The following RAP1GAP2 variants were observed in gnomAD, a reference collection of about 807,000 sequenced individuals.
RAP1GAP2 encodes the protein rap1 GTPase-activating protein 2.
A neutral mutation model predicts 95.0 loss-of-function variants in RAP1GAP2; 27 were observed. The observed-to-expected ratio is 0.28, with a 90% CI of 0.21 to 0.39. The LOEUF is 0.39. Among genes scored for constraint, RAP1GAP2 ranks in the 10% least tolerant of loss-of-function variants. RAP1GAP2 has a pLI of 1.00. For synonymous variants in RAP1GAP2, 373 were observed against 380.9 expected (o/e 0.98, Z 0.24); for missense variants, 771 against 970.0 (o/e 0.79, Z 2.72).
rs539991128 is a variant in RAP1GAP2, at chr17:2,839,300, ACT to A, written c.80+38753_80+38754del. Among the ~76,000 whole-genome samples the A allele has an allele frequency of 3.6e-3, 540 of 151,928 alleles. 3 individuals carry two copies. The highest frequency in any genetic ancestry group is 0.012 in the African/African-American group (503 of 41,410). On this transcript the variant is annotated intron_variant, in intron 2 of 24. Coordinates refer to ENST00000254695, the MANE Select transcript of RAP1GAP2 (RefSeq NM_015085.5). ...ACTCCAGCCTGGGCAACACAGTGAG[ACT>A]CTGTCTTAATAATAAAAAAAAAAAG...
chr17:2,886,013 T>C (rs2073484288), intron 2 of RAP1GAP2, among the ~76,000 whole-genome samples: 1 of 152,100 alleles, frequency 6.6e-6, no homozygotes, highest in Non-Finnish European at 1.5e-5. Flanking sequence ...GGCCTCCTGC[T>C]CTGGGTTGAG....
At chr17:2,992,306 C>T (rs542112647) in intron 12 of RAP1GAP2, among the ~76,000 whole-genome samples, 3 of 151,854 alleles carry the variant, frequency 2.0e-5, no homozygotes, top group Admixed American at 6.6e-5. Context: ...GACTACAAGG[C>T]GCGCGCCACC....
Position 2,863,675 on chromosome 17 carries a change from G to C in RAP1GAP2, c.81-41609G>C, listed in dbSNP as rs371764986. Among the ~76,000 whole-genome samples the C allele has an allele frequency of 5.9e-5, 9 of 152,290 alleles. 1 individual carries two copies. Among genetic ancestry groups the C allele is most frequent in the East Asian group, 3.9e-4 (2 of 5,176 alleles). ...CCTGTTGTCAAGAGGGCTTACTCTGGAGGGTAAAGCAACTTGTAAGAACCC... is the reference window on the plus strand; with the variant it reads ...CCTGTTGTCAAGAGGGCTTACTCTGCAGGGTAAAGCAACTTGTAAGAACCC... On this transcript the variant is annotated intron_variant, in intron 2 of 24. Transcript: ENST00000254695.
rs2072118376 is a variant in RAP1GAP2, at chr17:2,855,973, TG to T, written c.81-49309del. Reference sequence around the variant, plus strand: ...ATAATACAAGTGTTAACAAATATAGTGGAAATCCTGCAAGTGGTCTAGGAAT... The same window carrying T: ...ATAATACAAGTGTTAACAAATATAGTGAAATCCTGCAAGTGGTCTAGGAAT... On this transcript the variant is annotated intron_variant, in intron 2 of 24. Transcript: ENST00000254695. This position sits in a 1 kb window ranked among gnomAD's most constrained non-coding sequence, Gnocchi z 4.3. Among the ~76,000 whole-genome samples the T allele has an allele frequency of 6.6e-6, 1 of 152,166 alleles. No homozygotes were observed. Among genetic ancestry groups the T allele is most frequent in the Non-Finnish European group, 1.5e-5 (1 of 68,030 alleles).
chr17:2,890,195 C>T (rs958681419), intron 2 of RAP1GAP2, among the ~76,000 whole-genome samples: 5 of 152,082 alleles, frequency 3.3e-5, no homozygotes, highest in East Asian at 1.9e-4. Flanking sequence ...AGGGGAGGAA[C>T]GAGGATGGGC....
chr17:2,801,415 C>G (rs568466630), intron 2 of RAP1GAP2, among the ~76,000 whole-genome samples: 6 of 149,488 alleles, frequency 4.0e-5, no homozygotes, highest in African/African-American at 1.5e-4. Context: ...GTGGAGGTTG[C>G]ATTGAGCCGA....
intron 24 of RAP1GAP2, among the ~76,000 whole-genome samples, chr17:3,032,696 C>T (rs563556807): frequency 1.9e-4 from 29 of 152,208 alleles, no homozygotes; most frequent in South Asian, 4.1e-4. Context: ...TCCCTTCCAC[C>T]GATGGGGTCT....
intron 3 of RAP1GAP2, among the ~76,000 whole-genome samples, chr17:2,936,303 C>T (rs1012887497): frequency 7.7e-6 from 1 of 129,948 alleles, no homozygotes; most frequent in African/African-American, 2.9e-5. Context: ...GTCTCGCTGG[C>T]CTTCATGCCT....
chr17:2,772,708 CA>C (rs1291094696), upstream of RAP1GAP2, among the ~76,000 whole-genome samples: 1 of 152,054 alleles, frequency 6.6e-6, no homozygotes, highest in African/African-American at 2.4e-5. Context: ...CCTTGTTTTT[CA>C]GATGAGGAAA....
intron 19 of RAP1GAP2, among the ~76,000 whole-genome samples, chr17:3,022,737 T>G (rs1377080270): frequency 6.6e-6 from 1 of 152,232 alleles, no homozygotes; most frequent in Non-Finnish European, 1.5e-5. Context: ...TTTAACTTGA[T>G]GTAATCCCAT....
chr17:2,910,322 C>A (rs2042331053), intron 3 of RAP1GAP2, among the ~76,000 whole-genome samples: 1 of 152,156 alleles, frequency 6.6e-6, no homozygotes, highest in East Asian at 1.9e-4. Context: ...ATCCTATATC[C>A]CAGCAGGCCT....
At chr17:2,992,401 C>T (rs1285962577) in intron 12 of RAP1GAP2, among the ~76,000 whole-genome samples, 2 of 152,124 alleles carry the variant, frequency 1.3e-5, no homozygotes, top group Non-Finnish European at 2.9e-5. Flanking sequence ...ACCTCATGAT[C>T]CGCCCGTCTG....
chr17:2,826,484 CG>C (rs1451827853), intron 2 of RAP1GAP2, among the ~76,000 whole-genome samples: 1 of 151,902 alleles, frequency 6.6e-6, no homozygotes, highest in Non-Finnish European at 1.5e-5. Context: ...GGCGAGATGA[CG>C]GGTGCCCTGG....
intron 12 of RAP1GAP2, among the ~76,000 whole-genome samples, chr17:2,993,645 CA>C (rs140509843): frequency 0.12 from 17,779 of 151,872 alleles, 1,205 homozygotes; most frequent in Non-Finnish European, 0.15. Flanking sequence ...AAGTGCTGTT[CA>C]GGGCTAGCTA....
At chr17:2,828,598 G>A (rs545822348) in intron 2 of RAP1GAP2, among the ~76,000 whole-genome samples, 5 of 152,170 alleles carry the variant, frequency 3.3e-5, no homozygotes, top group South Asian at 2.1e-4. Context: ...CAGTTTCCCC[G>A]TCCGCCAGCA....
At chr17:2,967,174 C>T (rs933681000) in intron 8 of RAP1GAP2, among the ~76,000 whole-genome samples, 1 of 152,076 alleles carries the variant, frequency 6.6e-6, no homozygotes, top group African/African-American at 2.4e-5. Context: ...CGAGACCATC[C>T]TGGCTAACAC....
chr17:2,882,041 C>G (rs545884884), intron 2 of RAP1GAP2, among the ~76,000 whole-genome samples: 2 of 150,022 alleles, frequency 1.3e-5, no homozygotes, highest in Admixed American at 6.6e-5. Flanking sequence ...AGGATGGCCT[C>G]GATCTCCTGA....
At chr17:2,975,294 G>A (rs758400423) in intron 8 of RAP1GAP2, among the ~76,000 whole-genome samples, 7 of 151,962 alleles carry the variant, frequency 4.6e-5, no homozygotes, top group Non-Finnish European at 8.8e-5. Flanking sequence ...AGTATAAATA[G>A]ATTAAATTAG....
Position 2,965,414 on chromosome 17 carries a change from G to C in RAP1GAP2, c.493-126G>C. The stretch of plus-strand genomic sequence containing the variant: ...GGTACCTGTTAATGTCGTTGTCATT[G>C]TCATCAGTAGCATCCTTCTCTTCCT... On this transcript the variant is annotated intron_variant, in intron 7 of 24. Transcript: ENST00000254695. This position sits in a 1 kb window ranked among gnomAD's most constrained non-coding sequence, Gnocchi z 4.7. 1.4e-6 allele frequency: 1 copy of C among 727,128 alleles called. No individual in the cohort carries two copies. The highest frequency in any genetic ancestry group is 2.3e-6 in the Non-Finnish European group (1 of 436,764). The allele number at this position is 727,128 out of a possible 1,614,324, so 45.0% of individuals were successfully genotyped here.
Sources: gnomAD v4.1 joint callset for allele counts (sites outside exome capture counted in the v4.1 genomes callset) on GRCh38, gnomAD v4.1.1 for gene constraint, Gnocchi (gnomAD v3.1) non-coding constraint, MANE v1.5 for transcripts, NCBI Gene and HGNC (gene_info 2026-07-23, HGNC 2026-07-21) for gene names.